The following TOGARAM2 variants were observed in gnomAD, a reference collection of about 807,000 sequenced individuals.
The protein encoded by TOGARAM2 is TOG array regulator of axonemal microtubules protein 2.
A neutral mutation model predicts 93.3 loss-of-function variants in TOGARAM2; 85 were observed. The ratio of observed to expected loss-of-function variants is 0.91; its 90% CI spans 0.76 to 1.09. The LOEUF is 1.09. Ranked by LOEUF, TOGARAM2 falls within the 50% of genes least tolerant of loss-of-function variation. The probability of loss-of-function intolerance (pLI) is 0.00; values close to 1 mark genes in which losing one functional copy is unlikely to be tolerated. For missense variants in TOGARAM2, 1,277 were observed against 1,334.5 expected (o/e 0.96, Z 0.67); for synonymous variants, 593 against 552.8 (o/e 1.07, Z -1.02).
intron 13 of TOGARAM2, 45 bp downstream of exon 13, chr2:29,024,419 G>C (rs952412282): frequency 1.5e-6 from 2 of 1,298,870 alleles, no homozygotes; most frequent in South Asian, 1.2e-5. Context: ...GTCAGGGAAG[G>C]TAAGGCAAGG....
chr2:28,997,284 A>G (rs1041716830), intron 2 of TOGARAM2, among the ~76,000 whole-genome samples: 2 of 152,252 alleles, frequency 1.3e-5, no homozygotes, highest in African/African-American at 4.8e-5. Context: ...AAAAACTGGC[A>G]AAAGATGGAA....
chr2:28,979,778 C>G (rs1341474264), upstream of TOGARAM2, among the ~76,000 whole-genome samples: 1 of 152,182 alleles, frequency 6.6e-6, no homozygotes, highest in Non-Finnish European at 1.5e-5. Flanking sequence ...GCCCTTACAC[C>G]AAGGACAGCA....
chr2:28,971,821 T>C (rs923705590), intron 1 of TOGARAM2, among the ~76,000 whole-genome samples: 1 of 152,208 alleles, frequency 6.6e-6, no homozygotes, highest in Non-Finnish European at 1.5e-5. Flanking sequence ...TTGAATCGAA[T>C]GATAAATTTG....
At chr2:29,025,200 T>A (rs1401088882) in intron 13 of TOGARAM2, among the ~76,000 whole-genome samples, 1 of 152,166 alleles carries the variant, frequency 6.6e-6, no homozygotes, top group East Asian at 1.9e-4. Flanking sequence ...CACATCCTGA[T>A]TGTCACTTCA....
At chr2:29,039,181 C>G (rs1666289834) in intron 18 of TOGARAM2, among the ~76,000 whole-genome samples, 1 of 152,106 alleles carries the variant, frequency 6.6e-6, no homozygotes, top group Non-Finnish European at 1.5e-5. Context: ...GGACCTTTAA[C>G]ACCTGAGGCC....
At chr2:28,966,188 A>G (rs1671864640) in intron 1 of TOGARAM2, among the ~76,000 whole-genome samples, 1 of 152,044 alleles carries the variant, frequency 6.6e-6, no homozygotes, top group South Asian at 2.1e-4. Flanking sequence ...ACAGGGTTTC[A>G]CCATGTTGGC....
intron 6 of TOGARAM2, among the ~76,000 whole-genome samples, chr2:29,009,340 A>G (rs56389128): frequency 0.075 from 11,452 of 152,238 alleles, 511 homozygotes; most frequent in African/African-American, 0.12. Context: ...ATCCTCCTGT[A>G]AGGAGGTGCC....
chr2:29,013,067 T>C (rs746262971), intron 7 of TOGARAM2, among the ~76,000 whole-genome samples: 1 of 152,236 alleles, frequency 6.6e-6, no homozygotes, highest in Non-Finnish European at 1.5e-5. Context: ...CAGCCTCAGC[T>C]GGTGGCCCCA....
rs751346781 is a variant in TOGARAM2, at chr2:29,022,297, C to G, written c.1500C>G (p.Asn500Lys). 1.2e-6 allele frequency: 2 copies of G among 1,613,990 alleles called. No homozygotes were observed. Among genetic ancestry groups the G allele is most frequent in the South Asian group, 2.2e-5 (2 of 91,084 alleles). Reference protein sequence around the residue: ...LGLRDALQCLNSSDWQMKEKG... With the variant: ...LGLRDALQCLKSSDWQMKEKG... Reference sequence around the variant, plus strand: ...TGAGGGATGCACTCCAGTGCCTCAACAGCAGTGACTGGTGAGGAGATGCTT... The same window carrying G: ...TGAGGGATGCACTCCAGTGCCTCAAGAGCAGTGACTGGTGAGGAGATGCTT... Residue 500 changes from asparagine (N) to lysine (K), a missense_variant, in exon 11 of 20, where the codon AAC (asparagine) becomes AAG (lysine). Coordinates refer to ENST00000379558, the MANE Select transcript of TOGARAM2 (RefSeq NM_199280.4).
chr2:29,026,433 G>A (rs1382050465), intron 13 of TOGARAM2, among the ~76,000 whole-genome samples: 1 of 152,132 alleles, frequency 6.6e-6, no homozygotes, highest in Non-Finnish European at 1.5e-5. Context: ...CAAAGACAGC[G>A]CTACCTTGGG....
intron 11 of TOGARAM2, 107 bp downstream of exon 11, chr2:29,022,415 C>A: frequency 6.8e-7 from 1 of 1,467,506 alleles, no homozygotes; most frequent in South Asian, 1.3e-5. Context: ...GGGGTTCCAG[C>A]ACCATGGAGC....
intron 10 of TOGARAM2, among the ~76,000 whole-genome samples, chr2:29,021,178 T>G (rs1374031226): frequency 1.3e-5 from 2 of 152,230 alleles, no homozygotes; most frequent in African/African-American, 4.8e-5. Context: ...CCTCCCAAAG[T>G]GCTGGGATTA....
At chr2:29,051,694 A>G in intron 19 of TOGARAM2, 62 bp from the exon 20 acceptor site, 1 of 1,367,650 alleles carries the variant, frequency 7.3e-7, no homozygotes, top group South Asian at 1.6e-5. Flanking sequence ...GTGTCCCAAG[A>G]GAGGGAAGTG....
At chr2:28,995,392 G>T (rs1672943408) in intron 2 of TOGARAM2, among the ~76,000 whole-genome samples, 1 of 152,336 alleles carries the variant, frequency 6.6e-6, no homozygotes, top group East Asian at 1.9e-4. Flanking sequence ...TGCTAGCAAG[G>T]TGCAGAGCTG....
In TOGARAM2 at chr2:29,021,113, C is replaced by T. The variant is rs188299061; in HGVS notation, c.1361-1045C>T. Among the ~76,000 whole-genome samples, 929 of 152,288 alleles carry T rather than the reference C, an allele frequency of 6.1e-3. 10 individuals carry two copies. The highest frequency in any genetic ancestry group is 0.021 in the African/African-American group (869 of 41,566). ...ATTTTTAGTAAAGACAGGGTTTCAC[C>T]ATGTTGGGCAGGCTGGTCTTGAACT... On this transcript the variant is annotated intron_variant, in intron 10 of 19. Transcript: ENST00000379558.
In TOGARAM2 at chr2:29,036,579, C is replaced by G. The variant is rs374935592; in HGVS notation, c.2457C>G (p.Asn819Lys). ...TCACCCCAAGGCTTCAGGATTCCAA[C>G]AAGAAAGTGAACCAGTGGGCGCTGG... ...DAFTPRLQDSNKKVNQWALES... is the reference protein window; with the variant it reads ...DAFTPRLQDSKKKVNQWALES... Residue 819 changes from asparagine to lysine, a missense_variant, in exon 18 of 20, where the codon AAC becomes AAG. Coordinates refer to ENST00000379558, the MANE Select transcript of TOGARAM2 (RefSeq NM_199280.4). 8.1e-6 allele frequency: 13 copies of G among 1,613,870 alleles called. No individual in the cohort carries two copies. Among genetic ancestry groups the G allele is most frequent in the Non-Finnish European group, 1.0e-5 (12 of 1,179,902 alleles).
intron 6 of TOGARAM2, among the ~76,000 whole-genome samples, chr2:29,007,236 C>T (rs113630299): frequency 1.4e-4 from 22 of 152,264 alleles, no homozygotes; most frequent in African/African-American, 5.3e-4. Context: ...TTCTGTTGGG[C>T]ATCTCCAGTT....
At chr2:29,017,392 T>A (rs905144710) in intron 9 of TOGARAM2, 88 bp downstream of exon 9, 14 of 1,269,196 alleles carry the variant, frequency 1.1e-5, no homozygotes, top group African/African-American at 1.1e-4. Flanking sequence ...TTTTCTTTTT[T>A]AAAATTTTTA....
intron 6 of TOGARAM2, among the ~76,000 whole-genome samples, chr2:29,005,282 ATGTGTGTGTGTGCATG>A (rs1300546818): frequency 3.6e-5 from 4 of 112,588 alleles, no homozygotes; most frequent in South Asian, 6.6e-4. Context: ...GTGTGTGCAT[ATGTGTGTGTGTGCATG>A]TGTGTGTGTG....
Sources: allele counts gnomAD v4.1 joint callset (sites outside exome capture counted in the v4.1 genomes callset), GRCh38; gene constraint gnomAD v4.1.1; transcripts MANE v1.5; gene names NCBI Gene and HGNC (gene_info 2026-07-23, HGNC 2026-07-21).